The following EPB42 variants were observed in gnomAD, a reference collection of about 807,000 sequenced individuals.
The protein encoded by EPB42 is protein 4.2.
Under a neutral mutation model 76.9 loss-of-function variants are expected in EPB42, and 49 were observed. The observed-to-expected ratio is 0.64, with a 90% CI of 0.51 to 0.81. EPB42 has a LOEUF of 0.81. EPB42 is among the 30% of genes least tolerant of loss of function. The probability of loss-of-function intolerance (pLI) is 0.00; values close to 1 mark genes in which losing one functional copy is unlikely to be tolerated. For synonymous variants in EPB42, 310 were observed against 338.4 expected, an observed-to-expected ratio of 0.92 and a Z score of 0.92; for missense variants, 731 against 867.6, an observed-to-expected ratio of 0.84 and a Z score of 1.98.
At chr15:43,204,974 C>T (rs201503678) in intron 10 of EPB42, among the ~76,000 whole-genome samples, 1 of 145,130 alleles carries the variant, frequency 6.9e-6, no homozygotes, top group African/African-American at 2.6e-5. Context: ...GCCCCCCCCC[C>T]AAAAAAAAGT....
At chr15:43,208,479 C>T (rs2042240513) in intron 7 of EPB42, 146 bp from the exon 8 acceptor site, 20 of 1,384,484 alleles carry the variant, frequency 1.4e-5, no homozygotes, top group South Asian at 3.5e-5. Context: ...CAGGAAGGGG[C>T]GTGCACACCA....
At chr15:43,222,670 A>G (rs1247176488), upstream of EPB42, among the ~76,000 whole-genome samples, 1 of 152,258 alleles carries the variant, frequency 6.6e-6, no homozygotes, top group East Asian at 1.9e-4. Flanking sequence ...AACACATAAT[A>G]TGATATTACT....
chr15:43,201,240 G>A (rs893008485), intron 12 of EPB42, among the ~76,000 whole-genome samples: 2 of 152,182 alleles, frequency 1.3e-5, no homozygotes, highest in African/African-American at 2.4e-5. Context: ...GGTAGAAAGT[G>A]GTGGGTGTAC....
intron 1 of EPB42, among the ~76,000 whole-genome samples, chr15:43,219,575 A>G (rs1475489765): frequency 6.6e-6 from 1 of 152,190 alleles, no homozygotes. Flanking sequence ...CTGGTTTGGG[A>G]CTAGACTAAA....
upstream of EPB42, among the ~76,000 whole-genome samples, chr15:43,224,901 G>A (rs1228015288): frequency 6.6e-6 from 1 of 152,194 alleles, no homozygotes; most frequent in African/African-American, 2.4e-5. Flanking sequence ...TCAGCCTCCA[G>A]AGTAGCTGGG....
At position 43,210,190 on chromosome 15, in the gene EPB42, G is replaced by A. The variant is rs533459257; in HGVS notation, c.654+145C>T. On this transcript the variant is annotated intron_variant, in intron 5 of 12. Coordinates refer to ENST00000441366, the MANE Select transcript of EPB42 (RefSeq NM_001114134.2). ...GCCTGTCTTTTTGTCCTCCTCGGACGCTTCTGTAGGAACTGTCCCCACACC... is the reference window on the plus strand; with the variant it reads ...GCCTGTCTTTTTGTCCTCCTCGGACACTTCTGTAGGAACTGTCCCCACACC... The A allele has an allele frequency of 1.7e-4, 133 of 768,330 alleles. No homozygotes were observed. The African/African-American group carries it at 2.0e-3, about 12-fold the overall frequency. 47.6% of individuals were successfully genotyped at this position (768,330 alleles called of 1,614,324 possible). A position where few individuals can be genotyped will look rare whatever the true frequency, so the allele number is the denominator to read the frequency against.
At chr15:43,216,135 C>T (rs1231047219) in intron 2 of EPB42, 133 bp downstream of exon 2, 4 of 1,088,888 alleles carry the variant, frequency 3.7e-6, no homozygotes, top group Non-Finnish European at 4.1e-6. Flanking sequence ...GACTGCCCTG[C>T]CAGGTGGGCA....
intron 8 of EPB42, among the ~76,000 whole-genome samples, 170 bp downstream of exon 8, chr15:43,208,060 T>C (rs1489494733): frequency 2.0e-5 from 3 of 152,214 alleles, no homozygotes; most frequent in Non-Finnish European, 2.9e-5. Flanking sequence ...TCTATTCCCA[T>C]GAGCCCACTG....
intron 3 of EPB42, among the ~76,000 whole-genome samples, chr15:43,212,967 G>A (rs150186069): frequency 2.9e-4 from 44 of 152,198 alleles, no homozygotes; most frequent in African/African-American, 1.0e-3. Context: ...TCCATCTGGG[G>A]ATGAGGGTCC....
In EPB42 at chr15:43,215,158, C is replaced by A; in HGVS notation, c.367G>T (p.Val123Phe). The A allele has an allele frequency of 6.2e-7, 1 of 1,614,234 alleles. No individual in the cohort carries two copies. The highest frequency in any genetic ancestry group is 8.5e-7 in the Non-Finnish European group (1 of 1,180,040). Residue 123 changes from valine (V) to phenylalanine (F), a missense_variant, in exon 3 of 13, where the codon GTC (valine) becomes TTC (phenylalanine). By Grantham distance (50) the Val-to-Phe change is conservative. Transcript: ENST00000441366. Reference protein sequence around the residue: ...VIGHYSLLLQVSGRKQLLLGQ... With the variant: ...VIGHYSLLLQFSGRKQLLLGQ... ...AAGAGGAGTTGCTTCCTGCCTGAGA[C>A]CTGCAGCAGAAGCGAGTAGTGGCCA...
intron 12 of EPB42, among the ~76,000 whole-genome samples, chr15:43,199,857 T>G (rs760479797): frequency 9.2e-5 from 14 of 152,168 alleles, no homozygotes; most frequent in Non-Finnish European, 2.1e-4. Flanking sequence ...GGGTTTCCAC[T>G]TTCGCTTCTT....
At position 43,216,254 on chromosome 15, in the gene EPB42, C is replaced by A. The variant is rs1249711501; in HGVS notation, c.196+14G>T. ...AGGCCTGCTGCCAAAGGAGTCTAGGCCTGACTCACTAACCAGTTTGTGCAG... is the reference window on the plus strand; with the variant it reads ...AGGCCTGCTGCCAAAGGAGTCTAGGACTGACTCACTAACCAGTTTGTGCAG... On this transcript the variant is annotated intron_variant, in intron 2 of 12. Coordinates refer to ENST00000441366, the MANE Select transcript of EPB42 (RefSeq NM_001114134.2). The A allele has an allele frequency of 2.5e-6, 4 of 1,613,184 alleles. No individual in the cohort carries two copies. In the African/African-American group the frequency reaches 4.0e-5, roughly 16 times the overall value.
intron 1 of EPB42, among the ~76,000 whole-genome samples, chr15:43,216,657 G>A (rs556268091): frequency 6.6e-6 from 1 of 152,122 alleles, no homozygotes; most frequent in African/African-American, 2.4e-5. Flanking sequence ...TCAGAGTTGT[G>A]GGGATTAGAT....
chr15:43,207,679 G>C (rs1043189358), intron 8 of EPB42, among the ~76,000 whole-genome samples: 2 of 152,220 alleles, frequency 1.3e-5, no homozygotes. Flanking sequence ...CTCAGGAACT[G>C]GACAGGCAGA....
rs561571428 is a variant in EPB42, at chr15:43,210,436, C to T, written c.553G>A (p.Glu185Lys). ...QAESWDFGQFEGDVIDLSLRL... is the reference protein window; with the variant it reads ...QAESWDFGQFKGDVIDLSLRL... ...AGGCTGAGGTCAATGACATCCCCCTCGAACTGTTAAGGATCACACAGGGCC... is the reference window on the plus strand; with the variant it reads ...AGGCTGAGGTCAATGACATCCCCCTTGAACTGTTAAGGATCACACAGGGCC... The change falls in exon 5 of 13, where the codon GAG becomes AAG. Residue 185 changes from glutamate to lysine, a missense_variant. Transcript: ENST00000441366. 1.2e-6 allele frequency: 2 copies of T among 1,613,442 alleles called. No homozygotes were observed. The highest frequency in any genetic ancestry group is 1.7e-4 in the Middle Eastern group (1 of 6,060).
At chr15:43,223,564 T>C (rs2042481164), upstream of EPB42, among the ~76,000 whole-genome samples, 1 of 152,240 alleles carries the variant, frequency 6.6e-6, no homozygotes, top group African/African-American at 2.4e-5. Context: ...CACCCTGAGA[T>C]ATCATTCTTT....
intron 7 of EPB42, 139 bp downstream of exon 7, chr15:43,208,498 C>A: frequency 6.8e-7 from 1 of 1,460,168 alleles, no homozygotes; most frequent in Non-Finnish European, 9.6e-7. Context: ...CATCACTGAC[C>A]ATCAGCGCCG....
At chr15:43,211,570 G>C (rs2042297390) in intron 3 of EPB42, 36 bp from the exon 4 acceptor site, 2 of 1,368,264 alleles carry the variant, frequency 1.5e-6, no homozygotes, top group Non-Finnish European at 2.1e-6. Context: ...GGCCTGTGGG[G>C]GTCCTAGGTC....
At chr15:43,211,768 A>C (rs2042301156) in intron 3 of EPB42, among the ~76,000 whole-genome samples, 3 of 152,240 alleles carry the variant, frequency 2.0e-5, no homozygotes, top group African/African-American at 4.8e-5. Context: ...AGACAAGAAC[A>C]ACCTTAAAAA....
Sources: allele counts gnomAD v4.1 joint callset (sites outside exome capture counted in the v4.1 genomes callset), GRCh38; gene constraint gnomAD v4.1.1; transcripts MANE v1.5; gene names NCBI Gene and HGNC (gene_info 2026-07-23, HGNC 2026-07-21).